Variants in ADGRB3 observed in about 807,000 individuals in gnomAD.
ADGRB3 encodes the protein adhesion G protein-coupled receptor B3, also known as brain-specific angiogenesis inhibitor 3.
ADGRB3 carries 37 observed loss-of-function variants against 193.4 expected under a neutral mutation model. The observed-to-expected ratio is 0.19, with a 90% CI of 0.15 to 0.25. The LOEUF is 0.25. Among genes scored for constraint, ADGRB3 ranks in the 10% least tolerant of loss-of-function variants. ADGRB3 has a pLI of 1.00. For missense variants in ADGRB3, 1,637 were observed against 1,852.9 expected (o/e 0.88, Z 2.14); for synonymous variants, 690 against 644.2 (o/e 1.07, Z -1.08).
At chr6:68,960,933 G>A (rs1420756903) in intron 8 of ADGRB3, among the ~76,000 whole-genome samples, 1 of 152,120 alleles carries the variant, frequency 6.6e-6, no homozygotes, top group African/African-American at 2.4e-5. Flanking sequence ...AAATAATAAT[G>A]ATAAGGTGAT....
At chr6:68,969,124 A>T (rs1038701525) in intron 8 of ADGRB3, among the ~76,000 whole-genome samples, 5 of 152,032 alleles carry the variant, frequency 3.3e-5, no homozygotes, top group Admixed American at 6.6e-5. Context: ...AAAAAGATAA[A>T]GTAAAACCTG....
At chr6:69,157,036 G>A (rs139382430) in intron 17 of ADGRB3, among the ~76,000 whole-genome samples, 114 of 152,262 alleles carry the variant, frequency 7.5e-4, no homozygotes, top group African/African-American at 2.4e-3. Context: ...AATGGTGAAG[G>A]CATCCATGCT....
At chr6:69,183,564 T>G (rs1055917415) in intron 17 of ADGRB3, among the ~76,000 whole-genome samples, 1 of 152,106 alleles carries the variant, frequency 6.6e-6, no homozygotes. Flanking sequence ...AAAGTACTTA[T>G]AAAGCATTAA....
Position 69,014,080 on chromosome 6 carries a change from A to C in ADGRB3, c.1972A>C (p.Lys658Gln). The C allele has an allele frequency of 6.2e-7, 1 of 1,605,842 alleles. No homozygotes were observed. Among genetic ancestry groups the C allele is most frequent in the Non-Finnish European group, 8.5e-7 (1 of 1,174,868 alleles). The change falls in exon 12 of 32, where the codon AAG (lysine) becomes CAG (glutamine). Residue 658 changes from lysine to glutamine, a missense_variant. By Grantham distance (53) the Lys-to-Gln change is moderately conservative. Around this residue, in one of 7 missense-constraint regions of ADGRB3, gnomAD observed 641 missense variants for 673.9 expected, o/e 0.95. Coordinates refer to ENST00000370598, the MANE Select transcript of ADGRB3 (RefSeq NM_001704.3). ...TAGCAACCTTCTAGATGAAGAAAAC[A>C]AGGAAAAATGGGAAGATGCACAACA... ...IVSNLLDEENKEKWEDAQQIY... is the reference protein window; with the variant it reads ...IVSNLLDEENQEKWEDAQQIY...
intron 17 of ADGRB3, among the ~76,000 whole-genome samples, chr6:69,210,171 A>ATATATATATATATATATATATATATAC (rs1561953604): frequency 2.5e-5 from 1 of 39,374 alleles, no homozygotes; most frequent in African/African-American, 1.8e-4. Context: ...TATATATATA[A>ATATATATATATATATATATATATATAC]AGGGGAGTTT....
At chr6:68,825,882 C>G (rs1303200955) in intron 3 of ADGRB3, among the ~76,000 whole-genome samples, 1 of 152,136 alleles carries the variant, frequency 6.6e-6, no homozygotes, top group Non-Finnish European at 1.5e-5. Context: ...TATAAATTAC[C>G]CAGACTCAGC....
chr6:69,341,597 A>G (rs1282172815), intron 26 of ADGRB3, among the ~76,000 whole-genome samples: 2 of 152,180 alleles, frequency 1.3e-5, no homozygotes, highest in Non-Finnish European at 2.9e-5. Flanking sequence ...GTTTCTACCT[A>G]GAATATCAGC....
At chr6:68,831,300 G>C (rs112752918) in intron 3 of ADGRB3, among the ~76,000 whole-genome samples, 25 of 58,756 alleles carry the variant, frequency 4.3e-4, no homozygotes, top group African/African-American at 1.8e-3. Context: ...AGGTGGAGAA[G>C]ATTAAAAAAA....
chr6:69,012,882 A>C (rs10945150), intron 11 of ADGRB3, among the ~76,000 whole-genome samples: 17,145 of 152,084 alleles, frequency 0.11, 1,136 homozygotes, highest in Middle Eastern at 0.26. Flanking sequence ...GATGAGACTA[A>C]CAAGTTATGA....
chr6:69,297,460 A>G (rs1416931053), intron 20 of ADGRB3, among the ~76,000 whole-genome samples: 1 of 150,114 alleles, frequency 6.7e-6, no homozygotes, highest in Non-Finnish European at 1.5e-5. Context: ...TTAAGCTACT[A>G]AAAGTATCAC....
intron 3 of ADGRB3, among the ~76,000 whole-genome samples, chr6:68,748,019 G>C (rs185845147): frequency 2.0e-5 from 3 of 152,246 alleles, no homozygotes; most frequent in Non-Finnish European, 2.9e-5. Context: ...GATCTCATGA[G>C]ACTTATTCAC....
intron 3 of ADGRB3, among the ~76,000 whole-genome samples, chr6:68,697,039 A>T (rs906784712): frequency 2.0e-5 from 3 of 152,002 alleles, no homozygotes; most frequent in Non-Finnish European, 4.4e-5. Context: ...TTCTAAGAAG[A>T]TGCTCTCTCT....
At position 68,749,366 on chromosome 6, in the gene ADGRB3, T is replaced by C. The variant is rs528151197; in HGVS notation, c.757+109934T>C. 2.4e-3 allele frequency among the ~76,000 whole-genome samples: 359 copies of C among 151,896 alleles called. 1 individual carries two copies. The highest frequency in any genetic ancestry group is 0.01 in the Middle Eastern group (3 of 294). Reference sequence around the variant, plus strand: ...AGCCTATTGTGGGACCTTGTGATCATATAAGTTAATACTTAATAAACTCCC... The same window carrying C: ...AGCCTATTGTGGGACCTTGTGATCACATAAGTTAATACTTAATAAACTCCC... On this transcript the variant is annotated intron_variant, in intron 3 of 31. Transcript: ENST00000370598.
At chr6:68,868,706 C>T (rs543816009) in intron 3 of ADGRB3, among the ~76,000 whole-genome samples, 8 of 152,122 alleles carry the variant, frequency 5.3e-5, no homozygotes, top group African/African-American at 1.7e-4. Context: ...ATTGTCATAA[C>T]CTTGATAACT....
intron 17 of ADGRB3, among the ~76,000 whole-genome samples, chr6:69,104,360 A>G (rs1418440697): frequency 1.3e-5 from 2 of 151,480 alleles, no homozygotes; most frequent in East Asian, 2.0e-4. Context: ...TACAAAGGAC[A>G]TGAACTCATC....
At chr6:69,134,205 A>G (rs1344957685) in intron 17 of ADGRB3, among the ~76,000 whole-genome samples, 14 of 151,974 alleles carry the variant, frequency 9.2e-5, no homozygotes. Context: ...TCTCTCTACA[A>G]ACCATCCACT....
chr6:69,108,183 A>G (rs370078166), intron 17 of ADGRB3, among the ~76,000 whole-genome samples: 63 of 141,216 alleles, frequency 4.5e-4, no homozygotes, highest in Non-Finnish European at 8.0e-4. Flanking sequence ...TGTAAAGGCT[A>G]AATTTGGCCA....
rs75531052 is a variant in ADGRB3, at chr6:68,728,305, G to T, written c.757+88873G>T. On this transcript the variant is annotated intron_variant, in intron 3 of 31. Transcript: ENST00000370598. ...ACATGTCCAGATGAGATTTGACAATGTTGCAATACATCTTTCCATATCTAG... is the reference window on the plus strand; with the variant it reads ...ACATGTCCAGATGAGATTTGACAATTTTGCAATACATCTTTCCATATCTAG... Among the ~76,000 whole-genome samples, 74 of 151,378 alleles carry T rather than the reference G, an allele frequency of 4.9e-4. No individual in the cohort carries two copies. In the East Asian group the frequency reaches 0.01, roughly 21 times the overall value.
intron 17 of ADGRB3, among the ~76,000 whole-genome samples, chr6:69,118,556 G>A (rs192156324): frequency 6.6e-6 from 1 of 151,952 alleles, no homozygotes; most frequent in Non-Finnish European, 1.5e-5. Context: ...GATTGGTGAA[G>A]CCTAAATTGC....
Sources: allele counts gnomAD v4.1 joint callset (sites outside exome capture counted in the v4.1 genomes callset), GRCh38; gene constraint gnomAD v4.1.1; regional missense constraint gnomAD v4.1.1; transcripts MANE v1.5; gene names NCBI Gene and HGNC (gene_info 2026-07-23, HGNC 2026-07-21).